Variants in KLHL14 observed in about 807,000 individuals in gnomAD.
The protein encoded by KLHL14 is kelch-like protein 14.
Under a neutral mutation model 64.3 loss-of-function variants are expected in KLHL14, and 22 were observed. The observed-to-expected ratio is 0.34, with a 90% CI of 0.24 to 0.49. The LOEUF (loss-of-function observed/expected upper bound fraction) is 0.49, where lower values mean the gene tolerates loss of function less well. Among genes scored for constraint, KLHL14 ranks in the 20% least tolerant of loss-of-function variants. The pLI is 0.99. For synonymous variants in KLHL14, 322 were observed against 333.4 expected (o/e 0.97, Z 0.37); for missense variants, 661 against 789.0 (o/e 0.84, Z 1.94).
chr18:32,746,744 C>T (rs12458090), intron 2 of KLHL14, among the ~76,000 whole-genome samples: 2 of 152,206 alleles, frequency 1.3e-5, no homozygotes, highest in Admixed American at 1.3e-4. Context: ...AGAAGATATT[C>T]TGCAATGTTC....
chr18:32,731,338 T>C (rs1477958803), intron 3 of KLHL14, among the ~76,000 whole-genome samples: 1 of 152,232 alleles, frequency 6.6e-6, no homozygotes, highest in Non-Finnish European at 1.5e-5. Flanking sequence ...GTTGTTGTCA[T>C]GTTGAGAGTC....
At chr18:32,743,149 T>C (rs572742527) in intron 2 of KLHL14, 1 of 152,338 alleles carries the variant, frequency 6.6e-6, no homozygotes, top group South Asian at 2.1e-4. Context: ...GAACTTTTCA[T>C]GTACCTGAAA....
At chr18:32,712,349 A>G (rs1598559322) in intron 3 of KLHL14, among the ~76,000 whole-genome samples, 1 of 152,320 alleles carries the variant, frequency 6.6e-6, no homozygotes, top group East Asian at 1.9e-4. Flanking sequence ...CATTTAGAAA[A>G]GAATTCCCAC....
At chr18:32,705,784 G>A (rs1423328442) in intron 3 of KLHL14, among the ~76,000 whole-genome samples, 2 of 152,220 alleles carry the variant, frequency 1.3e-5, no homozygotes, top group African/African-American at 4.8e-5. Flanking sequence ...ATTGAGGCCT[G>A]CGAAAATGTG....
At chr18:32,728,214 T>G (rs1357700202) in intron 3 of KLHL14, among the ~76,000 whole-genome samples, 1 of 152,176 alleles carries the variant, frequency 6.6e-6, no homozygotes, top group Non-Finnish European at 1.5e-5. Flanking sequence ...CACCTTTGAC[T>G]CCTTTTACAA....
In KLHL14 at chr18:32,770,115, C is replaced by T. The variant is rs145953799; in HGVS notation, c.477G>A (p.Ser159=). 1.7e-5 allele frequency: 28 copies of T among 1,614,032 alleles called. No individual in the cohort carries two copies. The African/African-American group carries it at 1.7e-4, about 10-fold the overall frequency. Residue 159 remains serine, a synonymous_variant, in exon 2 of 9, where the codon TCG becomes TCA. Transcript: ENST00000359358. The surrounding 1 kb of genome is among the most constrained non-coding windows in gnomAD (Gnocchi z 6.7). ...GGGGGATGTGCAGGATCTTGCTGAC[C>T]GACAGCACCTCCTCCACCGTGTCCA... The part of the protein sequence containing the change: ...LSLDTVEEVL[S]VSKILHIPQV...
intron 3 of KLHL14, among the ~76,000 whole-genome samples, chr18:32,711,045 A>T (rs1246226959): frequency 1.3e-5 from 2 of 152,178 alleles, no homozygotes; most frequent in Non-Finnish European, 2.9e-5. Flanking sequence ...AACAGCAAAT[A>T]GGGCCCCTCC....
At chr18:32,712,726 G>C (rs928034464) in intron 3 of KLHL14, among the ~76,000 whole-genome samples, 1 of 152,082 alleles carries the variant, frequency 6.6e-6, no homozygotes, top group Non-Finnish European at 1.5e-5. Context: ...TAGGGTTTCT[G>C]TTCCCATTTT....
chr18:32,708,911 C>A (rs1202743117), intron 3 of KLHL14, among the ~76,000 whole-genome samples: 4 of 152,158 alleles, frequency 2.6e-5, no homozygotes, highest in Non-Finnish European at 5.9e-5. Flanking sequence ...CTGCCCTGCC[C>A]TCCTGGTCAT....
intron 4 of KLHL14, among the ~76,000 whole-genome samples, chr18:32,693,413 C>CACACACACAGAGAG (rs1229737083): frequency 2.7e-4 from 26 of 97,036 alleles, no homozygotes; most frequent in African/African-American, 1.2e-3. Flanking sequence ...CACACACACA[C>CACACACACAGAGAG]AGAGAGAGAG....
chr18:32,752,669 T>C (rs2050260906), intron 2 of KLHL14, among the ~76,000 whole-genome samples: 1 of 152,116 alleles, frequency 6.6e-6, no homozygotes, highest in Admixed American at 6.5e-5. Flanking sequence ...ATTTTTGCCA[T>C]AGCCACATGC....
chr18:32,688,708 G>A (rs947435421), intron 4 of KLHL14, among the ~76,000 whole-genome samples: 2 of 152,190 alleles, frequency 1.3e-5, no homozygotes, highest in African/African-American at 4.8e-5. Flanking sequence ...TGTGCCTTGT[G>A]GGCTGATGCA....
At chr18:32,674,831 G>A (rs764066054) in intron 8 of KLHL14, 34 bp from the exon 9 acceptor site, 2 of 769,964 alleles carry the variant, frequency 2.6e-6, no homozygotes, top group South Asian at 1.4e-5. Context: ...TTTAGAGAAG[G>A]AAGCTAGAGA....
intron 5 of KLHL14, among the ~76,000 whole-genome samples, chr18:32,682,467 G>A (rs998719245): frequency 2.0e-5 from 3 of 152,104 alleles, no homozygotes; most frequent in Admixed American, 6.5e-5. Context: ...TGTGGGGTCC[G>A]TGAGCCTCTG....
At chr18:32,715,496 T>C (rs2050040703) in intron 3 of KLHL14, among the ~76,000 whole-genome samples, 1 of 145,374 alleles carries the variant, frequency 6.9e-6, no homozygotes, top group East Asian at 1.9e-4. Context: ...GCATGGGTAT[T>C]TACCGACGGA....
rs1054823155 is a variant in KLHL14 at position 32,680,063 on chromosome 18, G to C, written c.1588+106C>G. ...AGAGTAGATTTTATTAGGTCAACATGTTTTTTACTTGGTTAACTATGATTA... is the reference window on the plus strand; with the variant it reads ...AGAGTAGATTTTATTAGGTCAACATCTTTTTTACTTGGTTAACTATGATTA... On this transcript the variant is annotated intron_variant, in intron 7 of 8. Coordinates refer to ENST00000359358, the MANE Select transcript of KLHL14 (RefSeq NM_020805.3). This position sits in a 1 kb window ranked among gnomAD's most constrained non-coding sequence, Gnocchi z 4.8. 1.7e-6 allele frequency: 2 copies of C among 1,160,326 alleles called. No homozygotes were observed. Among genetic ancestry groups the C allele is most frequent in the Non-Finnish European group, 2.4e-6 (2 of 832,422 alleles). 71.9% of individuals were successfully genotyped at this position (1,160,326 alleles called of 1,614,324 possible). A position where few individuals can be genotyped will look rare whatever the true frequency, so the allele number is the denominator to read the frequency against.
At chr18:32,771,621 G>A (rs994733100) in intron 1 of KLHL14, among the ~76,000 whole-genome samples, 8 of 152,180 alleles carry the variant, frequency 5.3e-5, no homozygotes, top group Non-Finnish European at 1.0e-4. Flanking sequence ...CTCAGGGGGA[G>A]GAAGTGGGGC....
intron 2 of KLHL14, among the ~76,000 whole-genome samples, chr18:32,763,827 G>A (rs1303039189): frequency 6.6e-6 from 1 of 152,096 alleles, no homozygotes; most frequent in African/African-American, 2.4e-5. Context: ...CACATTTTTG[G>A]ATCAAGGTCA....
chr18:32,679,143 C>T (rs1020844276), intron 7 of KLHL14, among the ~76,000 whole-genome samples: 6 of 145,416 alleles, frequency 4.1e-5, no homozygotes, highest in Non-Finnish European at 9.0e-5. Flanking sequence ...ATGCACTAGG[C>T]TACTGGCATT....
Sources: allele counts gnomAD v4.1 joint callset (sites outside exome capture counted in the v4.1 genomes callset), GRCh38; gene constraint gnomAD v4.1.1; non-coding constraint Gnocchi (gnomAD v3.1); transcripts MANE v1.5; gene names NCBI Gene and HGNC (gene_info 2026-07-23, HGNC 2026-07-21).